CYFIP2: variants seen among roughly 807,000 people sequenced by gnomAD.
CYFIP2 encodes the protein cytoplasmic FMR1 interacting protein 2.
In CYFIP2, 29 loss-of-function variants were observed where a neutral mutation model predicts 158.7. That is an observed-to-expected ratio of 0.18 (90% CI 0.14 to 0.25). The LOEUF (loss-of-function observed/expected upper bound fraction) is 0.25, where lower values mean the gene tolerates loss of function less well. Among genes scored for constraint, CYFIP2 ranks in the 10% least tolerant of loss-of-function variants. CYFIP2 has a pLI of 1.00. For synonymous variants in CYFIP2, 585 were observed against 617.6 expected, an observed-to-expected ratio of 0.95 and a Z score of 0.78; for missense variants, 852 against 1,639.5, an observed-to-expected ratio of 0.52 and a Z score of 8.29.
intron 26 of CYFIP2, among the ~76,000 whole-genome samples, chr5:157,379,521 A>G (rs894558933): frequency 8.6e-5 from 13 of 151,986 alleles, no homozygotes; most frequent in Admixed American, 1.3e-4. Flanking sequence ...TCTACAAAAA[A>G]ATTAGCCAGC....
intron 8 of CYFIP2, 64 bp downstream of exon 8, chr5:157,304,430 A>C: frequency 6.6e-7 from 1 of 1,526,146 alleles, no homozygotes; most frequent in Non-Finnish European, 8.8e-7. Flanking sequence ...CTTCTTATTA[A>C]AAATCCGTTT....
At chr5:157,320,441 G>A (rs1760499830) in intron 14 of CYFIP2, among the ~76,000 whole-genome samples, 1 of 152,220 alleles carries the variant, frequency 6.6e-6, no homozygotes, top group Non-Finnish European at 1.5e-5. Flanking sequence ...TCAGAACCAT[G>A]TAGGACACTT....
At chr5:157,268,089 A>G (rs1242678380) in intron 1 of CYFIP2, among the ~76,000 whole-genome samples, 2 of 152,250 alleles carry the variant, frequency 1.3e-5, no homozygotes, top group African/African-American at 4.8e-5. Context: ...TGCCAAGGCA[A>G]TTATTAGACC....
At chr5:157,287,875 T>A (rs1222362106) in intron 3 of CYFIP2, among the ~76,000 whole-genome samples, 4 of 152,178 alleles carry the variant, frequency 2.6e-5, no homozygotes, top group Non-Finnish European at 5.9e-5. Context: ...GGAAGATCCC[T>A]TGAGCCCAGG....
intron 1 of CYFIP2, among the ~76,000 whole-genome samples, chr5:157,267,959 ATGTT>A (rs1299469110): frequency 6.6e-6 from 1 of 152,210 alleles, no homozygotes; most frequent in African/African-American, 2.4e-5. Context: ...GCATGCGTGC[ATGTT>A]TGTTTGACTG....
chr5:157,329,128 T>G (rs1218511584), intron 19 of CYFIP2, among the ~76,000 whole-genome samples: 1 of 152,226 alleles, frequency 6.6e-6, no homozygotes, highest in African/African-American at 2.4e-5. Context: ...CACACACAAG[T>G]GTCTGTTAAC....
rs1758279684 is a variant in CYFIP2 at position 157,296,662 on chromosome 5, A to G, written c.286-11A>G. On this transcript the variant is annotated splice_polypyrimidine_tract_variant and intron_variant, in intron 4 of 30. Transcript: ENST00000620254. ...AAACCAGGATGTGTGTGTCCCCATT[A>G]TCCCCCACAGGTGAAATGCAACGAG... is the stretch of plus-strand genomic sequence containing the variant. The G allele has an allele frequency of 6.2e-7, 1 of 1,611,042 alleles. No individual in the cohort carries two copies. The highest frequency in any genetic ancestry group is 8.5e-7 in the Non-Finnish European group (1 of 1,177,546).
intron 3 of CYFIP2, among the ~76,000 whole-genome samples, chr5:157,288,123 A>G (rs1757535234): frequency 6.6e-6 from 1 of 152,156 alleles, no homozygotes; most frequent in African/African-American, 2.4e-5. Flanking sequence ...TTATTGGCTT[A>G]TGATTATGGA....
intron 26 of CYFIP2, among the ~76,000 whole-genome samples, chr5:157,374,773 T>C (rs1765307443): frequency 6.6e-6 from 1 of 152,244 alleles, no homozygotes; most frequent in Non-Finnish European, 1.5e-5. Context: ...ACTGTGGGTC[T>C]CTATTCCAAT....
chr5:157,296,807 A>T, intron 5 of CYFIP2, 33 bp downstream of exon 5: 4 of 1,557,346 alleles, frequency 2.6e-6, no homozygotes, highest in Non-Finnish European at 3.5e-6. Flanking sequence ...GCATCTGGAG[A>T]ACTGAAAAGG....
At position 157,383,316 on chromosome 5, in the gene CYFIP2, C is replaced by T. The variant is rs756207677; in HGVS notation, c.3164C>T (p.Pro1055Leu). The T allele has an allele frequency of 3.5e-5, 57 of 1,613,758 alleles. No individual in the cohort carries two copies. Among genetic ancestry groups the T allele is most frequent in the Admixed American group, 1.0e-4 (6 of 59,974 alleles). The change falls in exon 28 of 31, where the codon CCG becomes CTG. Residue 1055 changes from proline to leucine, a missense_variant. Transcript: ENST00000620254. ...AAACGTCTGGAAGCCAAGTATGCCC[C>T]GCTCCACCTGGTCCCTCTGATCGAG... ...RMKRLEAKYA[P>L]LHLVPLIERL...
rs1178891439 is a variant in CYFIP2 at position 157,395,261 on chromosome 5, T to A, written c.*2261T>A. On this transcript the variant is annotated 3_prime_UTR_variant, in exon 31 of 31. Coordinates refer to ENST00000620254, the MANE Select transcript of CYFIP2 (RefSeq NM_001037333.3). ...TTTAATATTCTTTCCTCCTTGGCAT[T>A]ACTGCCCCAGCCTCTTTTTATTTTT... The A allele has an allele frequency of 1.1e-5, 3 of 275,928 alleles. No individual in the cohort carries two copies. The highest frequency in any genetic ancestry group is 7.0e-5 in the African/African-American group (3 of 42,886). The allele number at this position is 275,928 out of a possible 1,614,324, so 17.1% of individuals were successfully genotyped here.
intron 10 of CYFIP2, among the ~76,000 whole-genome samples, chr5:157,310,309 G>A (rs1759602381): frequency 6.6e-6 from 1 of 152,220 alleles, no homozygotes; most frequent in Admixed American, 6.5e-5. Context: ...GGCCTGGGGT[G>A]TCAGTGCTTC....
At chr5:157,335,529 G>T (rs1439512230) in intron 21 of CYFIP2, among the ~76,000 whole-genome samples, 1 of 152,164 alleles carries the variant, frequency 6.6e-6, no homozygotes, top group Non-Finnish European at 1.5e-5. Context: ...GCCTGCCTTG[G>T]CCTCCCAAGA....
At chr5:157,382,072 T>C (rs1766182803) in intron 26 of CYFIP2, among the ~76,000 whole-genome samples, 2 of 152,220 alleles carry the variant, frequency 1.3e-5, no homozygotes, top group South Asian at 4.1e-4. Flanking sequence ...GAAACCAATC[T>C]GGCCTGGGTT....
At position 157,361,748 on chromosome 5, in the gene CYFIP2, C is replaced by A; in HGVS notation, c.3039+150C>A. ...GTTCATTTCCAGACAGACATGGATT[C>A]TAGTCCTGGCTCCCCCATTCACGAT... On this transcript the variant is annotated intron_variant, in intron 26 of 30. Coordinates refer to ENST00000620254, the MANE Select transcript of CYFIP2 (RefSeq NM_001037333.3). The surrounding 1 kb of genome is among the most constrained non-coding windows in gnomAD (Gnocchi z 4.4). 3.9e-6 allele frequency: 4 copies of A among 1,038,438 alleles called. No individual in the cohort carries two copies. Among genetic ancestry groups the A allele is most frequent in the Non-Finnish European group, 5.5e-6 (4 of 731,536 alleles). 64.3% of individuals were successfully genotyped at this position (1,038,438 alleles called of 1,614,324 possible). A position where few individuals can be genotyped will look rare whatever the true frequency, so the allele number is the denominator to read the frequency against.
chr5:157,345,297 C>T (rs1055959849), intron 23 of CYFIP2: 2 of 152,480 alleles, frequency 1.3e-5, no homozygotes, highest in East Asian at 3.8e-4. Context: ...GGCTTCCTAT[C>T]TGCCACTAGC....
At chr5:157,325,357 A>T (rs757774127) in intron 16 of CYFIP2, 125 bp from the exon 17 acceptor site, 4 of 1,042,770 alleles carry the variant, frequency 3.8e-6, no homozygotes, top group Non-Finnish European at 5.1e-6. Flanking sequence ...GGATCTACTA[A>T]TCAATATTAG....
At chr5:157,337,869 C>T (rs1028057707) in intron 21 of CYFIP2, among the ~76,000 whole-genome samples, 6 of 152,204 alleles carry the variant, frequency 3.9e-5, no homozygotes, top group Non-Finnish European at 8.8e-5. Context: ...GGAACTGTGT[C>T]ACAGGGACCA....
Sources: allele counts gnomAD v4.1 joint callset (sites outside exome capture counted in the v4.1 genomes callset), GRCh38; gene constraint gnomAD v4.1.1; non-coding constraint Gnocchi (gnomAD v3.1); transcripts MANE v1.5; gene names NCBI Gene and HGNC (gene_info 2026-07-23, HGNC 2026-07-21).